Variants in HERC1 observed in about 807,000 individuals in gnomAD.
The protein encoded by HERC1 is probable E3 ubiquitin-protein ligase HERC1.
A neutral mutation model predicts 554.3 loss-of-function variants in HERC1; 160 were observed. That is an observed-to-expected ratio of 0.29 (90% CI 0.25 to 0.33). The LOEUF (loss-of-function observed/expected upper bound fraction) is 0.33. HERC1 is among the 10% of genes least tolerant of loss of function. The probability of loss-of-function intolerance (pLI) is 1.00; values close to 1 mark genes in which losing one functional copy is unlikely to be tolerated. For synonymous variants in HERC1, 2,175 were observed against 2,131.7 expected, an observed-to-expected ratio of 1.02 and a Z score of -0.56; for missense variants, 4,919 against 5,918.5, an observed-to-expected ratio of 0.83 and a Z score of 5.54.
intron 3 of HERC1, among the ~76,000 whole-genome samples, chr15:63,762,365 T>G (rs192751680): frequency 1.9e-4 from 29 of 152,236 alleles, no homozygotes; most frequent in Non-Finnish European, 3.4e-4. Flanking sequence ...GTCTTATTGC[T>G]CAGGCTGGAG....
intron 74 of HERC1, among the ~76,000 whole-genome samples, chr15:63,619,634 T>C (rs1242998397): frequency 6.6e-6 from 1 of 152,194 alleles, no homozygotes; most frequent in African/African-American, 2.4e-5. Flanking sequence ...CCTGGACTTT[T>C]TTTGGTTGGT....
intron 70 of HERC1, among the ~76,000 whole-genome samples, chr15:63,626,843 A>G (rs1225495096): frequency 6.6e-6 from 1 of 152,208 alleles, no homozygotes; most frequent in East Asian, 1.9e-4. Flanking sequence ...ACTAACATTT[A>G]CTGAGTACCT....
At chr15:63,761,245 A>G (rs540484119) in intron 3 of HERC1, among the ~76,000 whole-genome samples, 4 of 152,292 alleles carry the variant, frequency 2.6e-5, no homozygotes, top group African/African-American at 7.2e-5. Flanking sequence ...TGAGCATTAA[A>G]TAAGTAATCA....
intron 1 of HERC1, among the ~76,000 whole-genome samples, chr15:63,815,916 A>AG (rs1596317107): frequency 6.6e-6 from 1 of 152,148 alleles, no homozygotes; most frequent in East Asian, 1.9e-4. Context: ...GCCTAGCAAA[A>AG]GGGGGGAAAG....
chr15:63,694,659 T>C lies in HERC1; in HGVS notation c.5243-110A>G. ...ACATGAAACACTAAATTATTTATTC[T>C]TTACCTATAAGTTTATCTACTAATG... On this transcript the variant is annotated intron_variant, in intron 28 of 77. Transcript: ENST00000443617. The surrounding 1 kb of genome is among the most constrained non-coding windows in gnomAD (Gnocchi z 4.3). 4.8e-6 allele frequency: 7 copies of C among 1,462,448 alleles called. No individual in the cohort carries two copies. Among genetic ancestry groups the C allele is most frequent in the Non-Finnish European group, 6.7e-6 (7 of 1,051,488 alleles). 90.6% of individuals were successfully genotyped at this position (1,462,448 alleles called of 1,614,324 possible). A position where few individuals can be genotyped will look rare whatever the true frequency, so the allele number is the denominator to read the frequency against.
chr15:63,612,888 G>A lies in HERC1; in HGVS notation c.14095-332C>T, dbSNP rs564212490. ...CACTCACTCATATTCCTAATCATATGTGCCCATGTGCTGTCAAACTATGCA... is the reference window on the plus strand; with the variant it reads ...CACTCACTCATATTCCTAATCATATATGCCCATGTGCTGTCAAACTATGCA... On this transcript the variant is annotated intron_variant, in intron 76 of 77. Coordinates refer to ENST00000443617, the MANE Select transcript of HERC1 (RefSeq NM_003922.4). The surrounding 1 kb of genome is among the most constrained non-coding windows in gnomAD (Gnocchi z 5.0). Among the ~76,000 whole-genome samples, 18 of 152,310 alleles carry A rather than the reference G, an allele frequency of 1.2e-4. No individual in the cohort carries two copies. The highest frequency in any genetic ancestry group is 4.3e-4 in the African/African-American group (18 of 41,558).
At chr15:63,616,402 G>A in intron 75 of HERC1, 28 bp downstream of exon 75, 1 of 1,602,746 alleles carries the variant, frequency 6.2e-7, no homozygotes, top group Non-Finnish European at 8.5e-7. Context: ...GTCAACACCA[G>A]TAGAAACATA....
chr15:63,631,561 T>C (rs935115952), intron 68 of HERC1, among the ~76,000 whole-genome samples: 3 of 152,204 alleles, frequency 2.0e-5, no homozygotes, highest in South Asian at 2.1e-4. Flanking sequence ...TTTTTTGAGA[T>C]GAAGTTTCGC....
At chr15:63,812,515 G>C (rs901960444) in intron 1 of HERC1, among the ~76,000 whole-genome samples, 4 of 152,140 alleles carry the variant, frequency 2.6e-5, no homozygotes, top group African/African-American at 9.7e-5. Context: ...GATTCAAAAG[G>C]AAATGGGAAG....
rs2152987929 is a variant in HERC1 at position 63,677,069 on chromosome 15, A to T, written c.7070+776T>A. On this transcript the variant is annotated intron_variant, in intron 37 of 77. Coordinates refer to ENST00000443617, the MANE Select transcript of HERC1 (RefSeq NM_003922.4). This position sits in a 1 kb window ranked among gnomAD's most constrained non-coding sequence, Gnocchi z 4.4. ...CTTAGCAGGTGAGCATCCCAAATCCAAAAATCCCAAATCTGAAATGCTCCA... is the reference window on the plus strand; with the variant it reads ...CTTAGCAGGTGAGCATCCCAAATCCTAAAATCCCAAATCTGAAATGCTCCA... 6.6e-6 allele frequency among the ~76,000 whole-genome samples: 1 copy of T among 152,294 alleles called. No homozygotes were observed. Among genetic ancestry groups the T allele is most frequent in the African/African-American group, 2.4e-5 (1 of 41,570 alleles).
intron 70 of HERC1, 76 bp from the exon 71 acceptor site, chr15:63,626,230 C>T: frequency 7.0e-7 from 1 of 1,435,042 alleles, no homozygotes; most frequent in Non-Finnish European, 9.5e-7. Context: ...AAATTTCAAG[C>T]ATACAGAGAA....
rs2142005575 is a variant in HERC1, at chr15:63,755,427, A to G, written c.1534-102T>C. ...GACTTCACAGATACTAATATTCACA[A>G]CCCATCCAGGAATTTCCAGGTACAG... On this transcript the variant is annotated intron_variant, in intron 5 of 77. Transcript: ENST00000443617. 3.4e-6 allele frequency: 3 copies of G among 888,080 alleles called. No individual in the cohort carries two copies. The African/African-American group carries it at 5.0e-5, about 15-fold the overall frequency. 55.0% of individuals were successfully genotyped at this position (888,080 alleles called of 1,614,324 possible).
rs1438106632 is a variant in HERC1, at chr15:63,643,476, A to T, written c.11259T>A (p.Val3753=). The T allele has an allele frequency of 1.2e-6, 2 of 1,612,454 alleles. No individual in the cohort carries two copies. The highest frequency in any genetic ancestry group is 1.3e-5 in the African/African-American group (1 of 74,930). Residue 3753 remains valine, a synonymous_variant, in exon 58 of 78, where the codon GTT becomes GTA. Transcript: ENST00000443617. The part of the protein sequence containing the change: ...LRGHITPVRT[V]AFSSDGLALV... ...GGGCCAACCCATCAGAACTAAAGGC[A>T]ACAGTCCGAACAGGAGTGATGTGTC...
Position 63,734,714 on chromosome 15 carries a change from A to G in HERC1, c.2646+10T>C. The G allele has an allele frequency of 6.5e-7, 1 of 1,527,034 alleles. No individual in the cohort carries two copies. The highest frequency in any genetic ancestry group is 8.7e-7 in the Non-Finnish European group (1 of 1,146,074). 94.6% of individuals were successfully genotyped at this position (1,527,034 alleles called of 1,614,324 possible). ...CTACTGGTTTACTTACACAGCAAGC[A>G]AAGGCCTACCTGTCCTTTAGATAAG... On this transcript the variant is annotated intron_variant, in intron 13 of 77. Transcript: ENST00000443617. This position sits in a 1 kb window ranked among gnomAD's most constrained non-coding sequence, Gnocchi z 4.6.
At chr15:63,728,054 T>C (rs1405594676) in intron 16 of HERC1, among the ~76,000 whole-genome samples, 2 of 152,230 alleles carry the variant, frequency 1.3e-5, no homozygotes, top group Non-Finnish European at 2.9e-5. Flanking sequence ...GTATTCTCCG[T>C]ACCAACAAAT....
rs2070983611 is a variant in HERC1 at position 63,672,473 on chromosome 15, A to G, written c.8045+23T>C. On this transcript the variant is annotated intron_variant, in intron 39 of 77. Coordinates refer to ENST00000443617, the MANE Select transcript of HERC1 (RefSeq NM_003922.4). ...AGAAACACAGGCATCAGTATGGCAG[A>G]CATTAAAGGTCAACTTCTCTACCTG... is the stretch of plus-strand genomic sequence containing the variant. The G allele has an allele frequency of 2.6e-6, 4 of 1,539,694 alleles. No individual in the cohort carries two copies. In the East Asian group the frequency reaches 9.5e-5, roughly 37 times the overall value.
chr15:63,732,845 G>C, intron 14 of HERC1, 79 bp downstream of exon 14: 1 of 944,022 alleles, frequency 1.1e-6, no homozygotes, highest in South Asian at 1.4e-5. Flanking sequence ...TATCATAGGT[G>C]TTTAAATGTC....
intron 63 of HERC1, 82 bp downstream of exon 63, chr15:63,638,329 C>A (rs1004589906): frequency 2.2e-5 from 31 of 1,400,776 alleles, no homozygotes; most frequent in Non-Finnish European, 3.1e-5. Context: ...AATGGACAAG[C>A]TTTATCCCAC....
At chr15:63,645,184 T>C (rs905551682) in intron 56 of HERC1, 87 bp from the exon 57 acceptor site, 32 of 961,770 alleles carry the variant, frequency 3.3e-5, no homozygotes, top group Non-Finnish European at 4.5e-5. Flanking sequence ...TAAGATCTGA[T>C]AGAACCACTG....
Sources: gnomAD v4.1 joint callset for allele counts (sites outside exome capture counted in the v4.1 genomes callset) on GRCh38, gnomAD v4.1.1 for gene constraint, Gnocchi (gnomAD v3.1) non-coding constraint, MANE v1.5 for transcripts, NCBI Gene and HGNC (gene_info 2026-07-23, HGNC 2026-07-21) for gene names.